The following RBFOX2 variants were observed in gnomAD, a reference collection of about 807,000 sequenced individuals.
RBFOX2 encodes RNA binding fox-1 homolog 2.
A neutral mutation model predicts 49.1 loss-of-function variants in RBFOX2; 10 were observed. The ratio of observed to expected loss-of-function variants is 0.20; its 90% CI spans 0.13 to 0.35. The LOEUF (loss-of-function observed/expected upper bound fraction) is 0.35. Among genes scored for constraint, RBFOX2 ranks in the 10% least tolerant of loss-of-function variants. RBFOX2 has a pLI of 1.00. For synonymous variants in RBFOX2, 183 were observed against 187.4 expected (o/e 0.98, Z 0.19); for missense variants, 323 against 486.9 (o/e 0.66, Z 3.17).
intron 1 of RBFOX2, among the ~76,000 whole-genome samples, chr22:35,973,696 C>A (rs2150023902): frequency 6.6e-6 from 1 of 152,258 alleles, no homozygotes; most frequent in East Asian, 1.9e-4. Context: ...TCAATGTTTT[C>A]CTCTCAACTA....
At chr22:35,871,449 A>T (rs1358021339) in intron 1 of RBFOX2, among the ~76,000 whole-genome samples, 2 of 152,218 alleles carry the variant, frequency 1.3e-5, no homozygotes, top group Non-Finnish European at 2.9e-5. Context: ...AGTCCTGGGT[A>T]CAGAAATTAT....
At chr22:35,751,102 T>C (rs1378729424) in intron 9 of RBFOX2, among the ~76,000 whole-genome samples, 1 of 152,224 alleles carries the variant, frequency 6.6e-6, no homozygotes, top group East Asian at 1.9e-4. Flanking sequence ...TAGAGCAAAA[T>C]ACAATAGAAT....
At chr22:35,961,655 C>T in exon 1 of RBFOX2, 2 of 1,304,102 alleles carry the variant, frequency 1.5e-6, no homozygotes, top group Non-Finnish European at 2.0e-6. Context: ...TCCCCTTGCA[C>T]ACAGCTACCA....
chr22:35,945,333 G>T (rs550516741), intron 1 of RBFOX2, among the ~76,000 whole-genome samples: 1 of 152,106 alleles, frequency 6.6e-6, no homozygotes, highest in Admixed American at 6.5e-5. Flanking sequence ...GCCTATTTTT[G>T]AATTGGGACA....
At chr22:35,840,216 C>G (rs1245655070) in exon 1 of RBFOX2, 2 of 1,613,984 alleles carry the variant, frequency 1.2e-6, no homozygotes, top group Admixed American at 1.7e-5. Flanking sequence ...TCTTTTTCTC[C>G]ATAAACCAAA....
At chr22:36,012,150 C>CA (rs1376821296) in intron 1 of RBFOX2, among the ~76,000 whole-genome samples, 1 of 152,182 alleles carries the variant, frequency 6.6e-6, no homozygotes, top group Non-Finnish European at 1.5e-5. Context: ...CTACATGAAT[C>CA]AGCTGTCAGG....
At chr22:35,831,338 C>G (rs958974707) in intron 1 of RBFOX2, among the ~76,000 whole-genome samples, 1 of 151,944 alleles carries the variant, frequency 6.6e-6, no homozygotes, top group South Asian at 2.1e-4. Flanking sequence ...GAGGCTGAGG[C>G]AGGAGAATGG....
intron 2 of RBFOX2, 33 bp downstream of exon 3, chr22:35,809,747 A>G: frequency 6.3e-7 from 1 of 1,594,910 alleles, no homozygotes; most frequent in South Asian, 1.1e-5. Context: ...ATTGCCATGC[A>G]TCCTTCCATT....
chr22:35,878,921 G>C (rs1248888420), intron 1 of RBFOX2, among the ~76,000 whole-genome samples: 1 of 152,060 alleles, frequency 6.6e-6, no homozygotes, highest in Non-Finnish European at 1.5e-5. Context: ...TAGTAGAGAT[G>C]GGGTTTCACC....
intron 9 of RBFOX2, among the ~76,000 whole-genome samples, chr22:35,757,672 A>G (rs1937394152): frequency 6.6e-6 from 1 of 152,218 alleles, no homozygotes; most frequent in South Asian, 2.1e-4. Flanking sequence ...ATGCCCTTGT[A>G]TCACACAAAA....
At chr22:35,926,999 C>G (rs546078778) in intron 1 of RBFOX2, among the ~76,000 whole-genome samples, 17 of 152,322 alleles carry the variant, frequency 1.1e-4, no homozygotes, top group African/African-American at 3.4e-4. Context: ...TTTCAAACAT[C>G]CTATGGTATC....
intron 1 of RBFOX2, among the ~76,000 whole-genome samples, chr22:35,984,194 A>T (rs906017875): frequency 1.3e-4 from 20 of 152,212 alleles, no homozygotes; most frequent in African/African-American, 4.8e-4. Context: ...GAAGATGTTT[A>T]AAAAAACAAA....
At chr22:35,974,695 AAACAACAAC>A (rs907760307) in intron 1 of RBFOX2, among the ~76,000 whole-genome samples, 2 of 152,114 alleles carry the variant, frequency 1.3e-5, no homozygotes, top group Admixed American at 1.3e-4. Context: ...TCAAAAACAA[AAACAACAAC>A]AACAACAAAA....
At chr22:35,961,414 T>C (rs1203171070) in intron 1 of RBFOX2, 1 of 801,034 alleles carries the variant, frequency 1.2e-6, no homozygotes, top group Non-Finnish European at 1.7e-6. Flanking sequence ...TCCAGATTTT[T>C]TTTTAAATCA....
chr22:35,826,650 T>C (rs1002472520), intron 1 of RBFOX2, among the ~76,000 whole-genome samples: 1 of 152,086 alleles, frequency 6.6e-6, no homozygotes, highest in Non-Finnish European at 1.5e-5. Flanking sequence ...CTTTAAAGCA[T>C]ATATAGTAGC....
intron 1 of RBFOX2, among the ~76,000 whole-genome samples, chr22:35,888,946 G>A (rs1174582276): frequency 6.6e-6 from 1 of 152,136 alleles, no homozygotes; most frequent in Non-Finnish European, 1.5e-5. Flanking sequence ...CTTCAGGTCA[G>A]GAGTTCAAGA....
At chr22:35,880,164 GGAA>G (rs1462998093) in intron 1 of RBFOX2, among the ~76,000 whole-genome samples, 1 of 151,582 alleles carries the variant, frequency 6.6e-6, no homozygotes, top group African/African-American at 2.4e-5. Flanking sequence ...AAAAAAAAAA[GGAA>G]GAAGAGCTAG....
chr22:36,028,768 G>A (rs2059547319), exon 1 of RBFOX2, among the ~76,000 whole-genome samples: 1 of 151,884 alleles, frequency 6.6e-6, no homozygotes, highest in Non-Finnish European at 1.5e-5. Flanking sequence ...CCCACCGGCC[G>A]CGCTGGCTCA....
chr22:35,858,456 G>C (rs1290690188), intron 1 of RBFOX2, among the ~76,000 whole-genome samples: 1 of 152,060 alleles, frequency 6.6e-6, no homozygotes, highest in African/African-American at 2.4e-5. Context: ...TTTGTTTTTA[G>C]ACATACTTAT....
Sources: allele counts gnomAD v4.1 joint callset (sites outside exome capture counted in the v4.1 genomes callset), GRCh38; gene constraint gnomAD v4.1.1; transcripts MANE v1.5; gene names NCBI Gene and HGNC (gene_info 2026-07-23, HGNC 2026-07-21).